The following ALOX5 variants were observed in gnomAD, a reference collection of about 807,000 sequenced individuals.
ALOX5 encodes arachidonate 5-lipoxygenase.
Under a neutral mutation model 87.9 loss-of-function variants are expected in ALOX5, and 64 were observed. That is an observed-to-expected ratio of 0.73 (90% CI 0.60 to 0.90). The LOEUF is 0.90. ALOX5 is among the 40% of genes least tolerant of loss of function. The probability of loss-of-function intolerance (pLI) is 0.00; values close to 1 mark genes in which losing one functional copy is unlikely to be tolerated. For synonymous variants in ALOX5, 388 were observed against 355.1 expected (o/e 1.09, Z -1.04); for missense variants, 822 against 907.5 (o/e 0.91, Z 1.21).
At chr10:45,382,825 C>G (rs1839889970) in intron 2 of ALOX5, 144 bp downstream of exon 2, 4 of 971,316 alleles carry the variant, frequency 4.1e-6, no homozygotes, top group Non-Finnish European at 4.5e-6. Flanking sequence ...CTCGACACAC[C>G]TGCAGGAGGC....
chr10:45,411,967 G>A (rs554128007), intron 3 of ALOX5, among the ~76,000 whole-genome samples: 2 of 152,266 alleles, frequency 1.3e-5, no homozygotes, highest in East Asian at 1.9e-4. Flanking sequence ...CAGTCTCAGG[G>A]TTCCCACTCT....
At chr10:45,410,548 G>A (rs947366881) in intron 3 of ALOX5, among the ~76,000 whole-genome samples, 4 of 152,154 alleles carry the variant, frequency 2.6e-5, no homozygotes, top group African/African-American at 9.7e-5. Flanking sequence ...AGAGGCTACT[G>A]GGCCAAGAGG....
At position 45,395,911 on chromosome 10, in the gene ALOX5, C is replaced by A. The variant is rs747721370; in HGVS notation, c.406C>A (p.Leu136Met). 3 of 1,614,240 alleles carry A rather than the reference C, an allele frequency of 1.9e-6. No individual in the cohort carries two copies. Among genetic ancestry groups the A allele is most frequent in the East Asian group, 4.5e-5 (2 of 44,890 alleles). ...TCTCAAGCAACACCGACGTAAAGAA[C>A]TGGAAACACGGCAAAAACAATATCG... is the stretch of plus-strand genomic sequence containing the variant. ...HILKQHRRKE[L>M]ETRQKQYRWM... The change falls in exon 3 of 14, where the codon CTG becomes ATG. Residue 136 changes from leucine to methionine, a missense_variant. Physicochemically the swap from Leu to Met is conservative, Grantham distance 15. Coordinates refer to ENST00000374391, the MANE Select transcript of ALOX5 (RefSeq NM_000698.5).
intron 8 of ALOX5, among the ~76,000 whole-genome samples, 158 bp from the exon 9 acceptor site, chr10:45,441,186 G>A (rs144966941): frequency 0.024 from 3,594 of 152,260 alleles, 57 homozygotes; most frequent in Middle Eastern, 0.037. Context: ...CAGGCCTCCA[G>A]CACTTATTCA....
At chr10:45,385,258 TAAATC>T (rs1839971511) in intron 2 of ALOX5, among the ~76,000 whole-genome samples, 1 of 152,136 alleles carries the variant, frequency 6.6e-6, no homozygotes, top group South Asian at 2.1e-4. Context: ...GATCACCCCT[TAAATC>T]TAATATTTCA....
chr10:45,388,231 G>A (rs1250859234), intron 2 of ALOX5, among the ~76,000 whole-genome samples: 2 of 152,210 alleles, frequency 1.3e-5, no homozygotes, highest in African/African-American at 2.4e-5. Flanking sequence ...GCTCAGGAAG[G>A]CCTGCCAGCC....
intron 2 of ALOX5, among the ~76,000 whole-genome samples, chr10:45,386,137 T>A (rs1006339084): frequency 6.6e-5 from 10 of 151,936 alleles, no homozygotes; most frequent in African/African-American, 2.2e-4. Context: ...CCGTCTCTAC[T>A]AAAAATACAA....
rs538610412 is a variant in ALOX5 at position 45,426,958 on chromosome 10, G to C, written c.835-1660G>C. Among the ~76,000 whole-genome samples the C allele has an allele frequency of 2.0e-5, 3 of 152,096 alleles. No homozygotes were observed. The East Asian group carries it at 5.8e-4, about 29-fold the overall frequency. ...CCAGCAGATGTCTTAGGCCATCCTC[G>C]GGCCTCACTGATTCTGTGAGCCAGT... On this transcript the variant is annotated intron_variant, in intron 6 of 13. Transcript: ENST00000374391.
chr10:45,396,168 T>C lies in ALOX5; in HGVS notation c.431+232T>C, dbSNP rs1324556033. Among the ~76,000 whole-genome samples, 3 of 152,234 alleles carry C rather than the reference T, an allele frequency of 2.0e-5. No homozygotes were observed. In the South Asian group the frequency reaches 6.2e-4, roughly 31 times the overall value. On this transcript the variant is annotated intron_variant, in intron 3 of 13. Coordinates refer to ENST00000374391, the MANE Select transcript of ALOX5 (RefSeq NM_000698.5). ...TAACTTTGGATCAACCATATTGGCA[T>C]GTAGGAAGAATGGGCAGAAAAGCTT... is the stretch of plus-strand genomic sequence containing the variant.
At chr10:45,436,022 T>A (rs549960692) in intron 7 of ALOX5, among the ~76,000 whole-genome samples, 14 of 152,386 alleles carry the variant, frequency 9.2e-5, no homozygotes, top group African/African-American at 3.4e-4. Context: ...TGATGATTAG[T>A]GATGTTGGGC....
chr10:45,417,138 C>T (rs1167135569), intron 4 of ALOX5, among the ~76,000 whole-genome samples: 1 of 152,042 alleles, frequency 6.6e-6, no homozygotes, highest in East Asian at 1.9e-4. Context: ...CTGAGTGCCC[C>T]TGAGTGCCAG....
At chr10:45,423,658 T>G (rs1423611955) in intron 4 of ALOX5, among the ~76,000 whole-genome samples, 4 of 152,218 alleles carry the variant, frequency 2.6e-5, no homozygotes, top group African/African-American at 9.6e-5. Flanking sequence ...TCAATTGAAC[T>G]GTTCATCGCC....
intron 7 of ALOX5, among the ~76,000 whole-genome samples, chr10:45,436,024 ATGT>A (rs1842052402): frequency 6.6e-6 from 1 of 152,094 alleles, no homozygotes; most frequent in African/African-American, 2.4e-5. Flanking sequence ...ATGATTAGTG[ATGT>A]TGGGCATTTT....
chr10:45,407,409 C>G (rs967960559), intron 3 of ALOX5, among the ~76,000 whole-genome samples: 2 of 150,550 alleles, frequency 1.3e-5, no homozygotes, highest in African/African-American at 4.9e-5. Flanking sequence ...TTTTCCCCCC[C>G]ACCTAGGACT....
chr10:45,410,090 C>T (rs921042781), intron 3 of ALOX5, among the ~76,000 whole-genome samples: 1 of 152,252 alleles, frequency 6.6e-6, no homozygotes, highest in African/African-American at 2.4e-5. Context: ...TTGCATGGCT[C>T]ATTGTTTACA....
In ALOX5 at chr10:45,412,205, A is replaced by G; in HGVS notation, c.446A>G (p.Asn149Ser). The G allele has an allele frequency of 1.2e-6, 2 of 1,613,856 alleles. No individual in the cohort carries two copies. The highest frequency in any genetic ancestry group is 1.7e-6 in the Non-Finnish European group (2 of 1,179,972). ...RQKQYRWMEWNPGFPLSIDAK... is the reference protein window; with the variant it reads ...RQKQYRWMEWSPGFPLSIDAK... The stretch of plus-strand genomic sequence containing the variant: ...CTCATGCTCAGATGGATGGAGTGGA[A>G]CCCTGGCTTCCCCTTGAGCATCGAT... Residue 149 changes from asparagine (N) to serine (S), a missense_variant, in exon 4 of 14, where the codon AAC becomes AGC. Transcript: ENST00000374391.
In ALOX5 at chr10:45,425,735, A is replaced by C. The variant is rs1238030672; in HGVS notation, c.834+603A>C. Among the ~76,000 whole-genome samples, 1 of 152,230 alleles carries C rather than the reference A, an allele frequency of 6.6e-6. No homozygotes were observed. Among genetic ancestry groups the C allele is most frequent in the Non-Finnish European group, 1.5e-5 (1 of 68,030 alleles). On this transcript the variant is annotated intron_variant, in intron 6 of 13. Transcript: ENST00000374391. The surrounding 1 kb of genome is among the most constrained non-coding windows in gnomAD (Gnocchi z 4.4). ...ACTCCACCTGGATCTGGTGGGGCTCAGCAACAGGCGCTGGCCCATCAGCCT... is the reference window on the plus strand; with the variant it reads ...ACTCCACCTGGATCTGGTGGGGCTCCGCAACAGGCGCTGGCCCATCAGCCT...
chr10:45,396,289 T>G (rs17153289), intron 3 of ALOX5, among the ~76,000 whole-genome samples: 1 of 152,080 alleles, frequency 6.6e-6, no homozygotes, highest in Non-Finnish European at 1.5e-5. Flanking sequence ...TGATCAGCAA[T>G]AAAATTGACA....
At chr10:45,393,866 G>A (rs1484647985) in intron 2 of ALOX5, among the ~76,000 whole-genome samples, 1 of 152,158 alleles carries the variant, frequency 6.6e-6, no homozygotes, top group Non-Finnish European at 1.5e-5. Context: ...TTGCTACAAA[G>A]AGAATAAAAT....
Sources: gnomAD v4.1 joint callset for allele counts (sites outside exome capture counted in the v4.1 genomes callset) on GRCh38, gnomAD v4.1.1 for gene constraint, Gnocchi (gnomAD v3.1) non-coding constraint, MANE v1.5 for transcripts, NCBI Gene and HGNC (gene_info 2026-07-23, HGNC 2026-07-21) for gene names.